SYCP1: variants seen among roughly 807,000 people sequenced by gnomAD.
SYCP1 encodes the protein synaptonemal complex protein 1, also known as cancer/testis antigen 8.
Under a neutral mutation model 153.1 loss-of-function variants are expected in SYCP1, and 64 were observed. The observed-to-expected ratio is 0.42, with a 90% CI of 0.34 to 0.51. The LOEUF is 0.51. Among genes scored for constraint, SYCP1 ranks in the 20% least tolerant of loss-of-function variants. The pLI, the probability that SYCP1 is intolerant of heterozygous loss-of-function variation, is 0.06. For missense variants in SYCP1, 997 were observed against 1,049.0 expected (o/e 0.95, Z 0.68); for synonymous variants, 384 against 341.8 (o/e 1.12, Z -1.36).
chr1:114,979,090 A>G (rs1043806545), intron 28 of SYCP1, among the ~76,000 whole-genome samples: 6 of 151,042 alleles, frequency 4.0e-5, no homozygotes, highest in African/African-American at 1.5e-4. Flanking sequence ...AACCATATAT[A>G]TGTTGGAAAA....
intron 16 of SYCP1, 97 bp downstream of exon 16, chr1:114,895,606 C>A: frequency 1.7e-6 from 1 of 591,316 alleles, no homozygotes; most frequent in Non-Finnish European, 2.6e-6. Flanking sequence ...ATGTTTTATA[C>A]TAATTTTTTC....
intron 23 of SYCP1, among the ~76,000 whole-genome samples, chr1:114,939,743 A>G (rs1670263512): frequency 6.6e-6 from 1 of 152,158 alleles, no homozygotes; most frequent in Non-Finnish European, 1.5e-5. Flanking sequence ...AAGCTTATTA[A>G]ACTTTACACT....
intron 14 of SYCP1, among the ~76,000 whole-genome samples, chr1:114,886,937 A>G (rs1185555244): frequency 2.6e-5 from 4 of 152,044 alleles, no homozygotes; most frequent in African/African-American, 9.7e-5. Context: ...AAATATTTAT[A>G]TAAAGCTGTG....
chr1:114,885,612 T>C lies in SYCP1; in HGVS notation c.988T>C (p.Ser330Pro). 1 of 1,575,682 alleles carries C rather than the reference T, an allele frequency of 6.3e-7. No individual in the cohort carries two copies. The highest frequency in any genetic ancestry group is 8.6e-7 in the Non-Finnish European group (1 of 1,158,694). The change falls in exon 13 of 32, where the codon TCA becomes CCA. Residue 330 changes from serine (S) to proline (P), a missense_variant. Transcript: ENST00000369522. Reference sequence around the variant, plus strand: ...TAAAGAACTAGAAGATATTAAAGTGTCATTACAAAGAAGTGTGGTATGATT... The same window carrying C: ...TAAAGAACTAGAAGATATTAAAGTGCCATTACAAAGAAGTGTGGTATGATT... ...LTKELEDIKVSLQRSVSTQKA... is the reference protein window; with the variant it reads ...LTKELEDIKVPLQRSVSTQKA...
At chr1:114,950,440 G>A (rs1295000045) in intron 27 of SYCP1, among the ~76,000 whole-genome samples, 1 of 152,012 alleles carries the variant, frequency 6.6e-6, no homozygotes, top group East Asian at 1.9e-4. Flanking sequence ...AACACATTAT[G>A]TTTATATTTT....
At chr1:114,965,752 A>G (rs1360799390) in intron 27 of SYCP1, among the ~76,000 whole-genome samples, 2 of 152,108 alleles carry the variant, frequency 1.3e-5, no homozygotes, top group Non-Finnish European at 2.9e-5. Flanking sequence ...GTTTGCCAGT[A>G]TTTTATTGAG....
At chr1:114,958,983 T>C (rs1671614896) in intron 27 of SYCP1, among the ~76,000 whole-genome samples, 1 of 151,974 alleles carries the variant, frequency 6.6e-6, no homozygotes, top group Non-Finnish European at 1.5e-5. Context: ...TTATATGATG[T>C]ACTATTTGCA....
chr1:114,919,343 G>T (rs993832136), intron 20 of SYCP1, among the ~76,000 whole-genome samples: 3 of 151,962 alleles, frequency 2.0e-5, no homozygotes, highest in African/African-American at 7.2e-5. Context: ...TTACATTTGT[G>T]GGATAAATCT....
intron 23 of SYCP1, among the ~76,000 whole-genome samples, chr1:114,941,241 A>G (rs190460203): frequency 4.2e-4 from 64 of 152,296 alleles, no homozygotes; most frequent in Non-Finnish European, 6.0e-4. Flanking sequence ...GTTCAAACCC[A>G]TGTTGTTCAA....
chr1:114,934,246 G>A (rs537255912), intron 23 of SYCP1, among the ~76,000 whole-genome samples: 10 of 152,154 alleles, frequency 6.6e-5, no homozygotes, highest in Non-Finnish European at 1.5e-4. Context: ...GAGAGTGGGG[G>A]CCAATATTCA....
chr1:114,971,241 G>A (rs114955674), intron 27 of SYCP1, among the ~76,000 whole-genome samples: 78 of 152,190 alleles, frequency 5.1e-4, no homozygotes, highest in African/African-American at 1.8e-3. Flanking sequence ...AGGGTTAGGC[G>A]TTTCTGAGCT....
intron 23 of SYCP1, among the ~76,000 whole-genome samples, chr1:114,940,829 C>CT (rs544039315): frequency 2.6e-5 from 4 of 151,572 alleles, no homozygotes; most frequent in East Asian, 1.9e-4. Flanking sequence ...TGTACCTCTG[C>CT]TTTTTTTTAT....
chr1:114,925,747 C>T (rs759811412), intron 21 of SYCP1, among the ~76,000 whole-genome samples: 11 of 152,028 alleles, frequency 7.2e-5, no homozygotes, highest in African/African-American at 2.7e-4. Context: ...ATGTACAAGA[C>T]AATTTAAAAA....
Position 114,981,404 on chromosome 1 carries a change from A to G in SYCP1, c.2451A>G (p.Ser817=). The change falls in exon 29 of 32, where the codon TCA becomes TCG. Residue 817 remains serine (S), a synonymous_variant. Transcript: ENST00000369522. ...YWKLDSKAVP[S]QTVSRNFTSV... ...AATTGGATTCTAAAGCAGTTCCTTCACAAACTGTATCTCGAAATTTCACAT... is the reference window on the plus strand; with the variant it reads ...AATTGGATTCTAAAGCAGTTCCTTCGCAAACTGTATCTCGAAATTTCACAT... The G allele has an allele frequency of 1.2e-6, 2 of 1,609,650 alleles. No homozygotes were observed. Among genetic ancestry groups the G allele is most frequent in the Non-Finnish European group, 1.7e-6 (2 of 1,178,368 alleles).
At chr1:114,992,777 T>C (rs1002280682) in intron 30 of SYCP1, among the ~76,000 whole-genome samples, 1 of 151,520 alleles carries the variant, frequency 6.6e-6, no homozygotes, top group Admixed American at 6.6e-5. Flanking sequence ...GAAAAAAAGA[T>C]AAATTGGACT....
In SYCP1 at chr1:114,952,941, A is replaced by C. The variant is rs1315785084; in HGVS notation, c.2322+5621A>C. Among the ~76,000 whole-genome samples, 5 of 152,202 alleles carry C rather than the reference A, an allele frequency of 3.3e-5. No individual in the cohort carries two copies. The East Asian group carries it at 9.6e-4, about 29-fold the overall frequency. On this transcript the variant is annotated intron_variant, in intron 27 of 31. Transcript: ENST00000369522. ...AAGAACAGAAATGTATTTTTCTCAC[A>C]GTTCTGGAAAATGGGAAGTTCAAGA...
At chr1:114,902,121 G>A (rs776021793) in intron 16 of SYCP1, among the ~76,000 whole-genome samples, 3 of 152,010 alleles carry the variant, frequency 2.0e-5, no homozygotes, top group Admixed American at 2.0e-4. Flanking sequence ...GCGGGGAACT[G>A]CTGCTCGCCC....
intron 27 of SYCP1, among the ~76,000 whole-genome samples, chr1:114,955,902 C>A (rs996556062): frequency 6.6e-6 from 1 of 152,226 alleles, no homozygotes; most frequent in Non-Finnish European, 1.5e-5. Flanking sequence ...CCTGAGCTTG[C>A]AATCAAAACC....
intron 24 of SYCP1, 42 bp from the exon 25 acceptor site, chr1:114,944,830 G>C (rs1182156961): frequency 7.4e-7 from 1 of 1,353,600 alleles, no homozygotes; most frequent in Admixed American, 2.3e-5. Context: ...TGTTTTTTGT[G>C]CATTTATTTT....
Sources: allele counts gnomAD v4.1 joint callset (sites outside exome capture counted in the v4.1 genomes callset), GRCh38; gene constraint gnomAD v4.1.1; transcripts MANE v1.5; gene names NCBI Gene and HGNC (gene_info 2026-07-23, HGNC 2026-07-21).